Variants in SLC35F3 observed in about 807,000 individuals in gnomAD.
SLC35F3 encodes the protein solute carrier family 35 member F3, also known as putative thiamine transporter SLC35F3.
SLC35F3 carries 25 observed loss-of-function variants against 49.9 expected under a neutral mutation model. That is an observed-to-expected ratio of 0.50 (90% CI 0.37 to 0.70). The LOEUF (loss-of-function observed/expected upper bound fraction) is 0.70. Among genes scored for constraint, SLC35F3 ranks in the 30% least tolerant of loss-of-function variants. The pLI, the probability that SLC35F3 is intolerant of heterozygous loss-of-function variation, is 0.00. For synonymous variants in SLC35F3, 275 were observed against 265.4 expected, an observed-to-expected ratio of 1.04 and a Z score of -0.35; for missense variants, 525 against 639.8, an observed-to-expected ratio of 0.82 and a Z score of 1.94.
chr1:234,102,660 G>A (rs1296754106), intron 2 of SLC35F3, among the ~76,000 whole-genome samples: 1 of 152,190 alleles, frequency 6.6e-6, no homozygotes, highest in Admixed American at 6.5e-5. Flanking sequence ...CATCCAAGCT[G>A]TGACTGCTGC....
chr1:234,031,560 T>C (rs2102848410), intron 2 of SLC35F3, among the ~76,000 whole-genome samples: 1 of 152,240 alleles, frequency 6.6e-6, no homozygotes, highest in Admixed American at 6.5e-5. Flanking sequence ...TGGGGGGGCA[T>C]GGGGGACAAG....
At chr1:234,142,580 A>T (rs1352523946) in intron 2 of SLC35F3, among the ~76,000 whole-genome samples, 1 of 145,564 alleles carries the variant, frequency 6.9e-6, no homozygotes, top group African/African-American at 2.8e-5. Context: ...TTTACTGCCC[A>T]GGGGCATTTG....
chr1:234,115,536 A>G (rs1049385472), intron 2 of SLC35F3, among the ~76,000 whole-genome samples: 7 of 152,182 alleles, frequency 4.6e-5, no homozygotes, highest in African/African-American at 7.2e-5. Flanking sequence ...ATGCTTAGGA[A>G]TAAAGTAAAC....
intron 2 of SLC35F3, among the ~76,000 whole-genome samples, chr1:233,920,783 C>T (rs1204178785): frequency 2.0e-5 from 3 of 152,234 alleles, no homozygotes; most frequent in African/African-American, 4.8e-5. Context: ...TGTTGGGAGG[C>T]TTATGTGGCA....
rs530525228 is a variant in SLC35F3 at position 234,165,984 on chromosome 1, A to C, written c.284-65433A>C. Among the ~76,000 whole-genome samples, 197 of 152,306 alleles carry C rather than the reference A, an allele frequency of 1.3e-3. 5 individuals are homozygous for C. The South Asian group carries it at 0.034, about 26-fold the overall frequency. On this transcript the variant is annotated intron_variant, in intron 2 of 7. Coordinates refer to ENST00000366618, the MANE Select transcript of SLC35F3 (RefSeq NM_173508.4). Reference sequence around the variant, plus strand: ...TCCATTCCTGAGCTACTTTACTTAGAATAATGGCCTCCAGTTCCGTCCAAG... The same window carrying C: ...TCCATTCCTGAGCTACTTTACTTAGCATAATGGCCTCCAGTTCCGTCCAAG...
At chr1:234,078,998 A>G (rs1475371308) in intron 2 of SLC35F3, among the ~76,000 whole-genome samples, 1 of 152,244 alleles carries the variant, frequency 6.6e-6, no homozygotes, top group Non-Finnish European at 1.5e-5. Flanking sequence ...ATAGAAAAAC[A>G]AGGGACACTG....
At chr1:234,196,033 A>C (rs1330123841) in intron 2 of SLC35F3, among the ~76,000 whole-genome samples, 2 of 152,096 alleles carry the variant, frequency 1.3e-5, no homozygotes, top group Non-Finnish European at 2.9e-5. Context: ...TTTTATCAGC[A>C]GTGTGGAAAT....
At chr1:234,124,266 C>T (rs1311016700) in intron 2 of SLC35F3, among the ~76,000 whole-genome samples, 1 of 152,180 alleles carries the variant, frequency 6.6e-6, no homozygotes, top group East Asian at 1.9e-4. Context: ...TTAAGTGGGA[C>T]AGTAAAGGAG....
At chr1:234,173,957 C>T (rs1279537318) in intron 2 of SLC35F3, among the ~76,000 whole-genome samples, 2 of 152,194 alleles carry the variant, frequency 1.3e-5, no homozygotes, top group Admixed American at 1.3e-4. Context: ...CCATGTGTGC[C>T]CCACAGGACC....
In SLC35F3 at chr1:234,139,960, A is replaced by AAAAT. The variant is rs1558239929; in HGVS notation, c.284-91453_284-91450dup. 2.6e-4 allele frequency among the ~76,000 whole-genome samples: 33 copies of AAAAT among 128,606 alleles called. No homozygotes were observed. The South Asian group carries it at 4.2e-3, about 16-fold the overall frequency. 84.4% of individuals were successfully genotyped at this position (128,606 alleles called of 152,430 possible). ...AGACTCCATCTCAAAATAATAAAAT[A>AAAAT]AAATAAAATAAAATAAAATAAAATA... On this transcript the variant is annotated intron_variant, in intron 2 of 7. Transcript: ENST00000366618.
At chr1:234,242,383 G>T (rs1667566840) in intron 3 of SLC35F3, among the ~76,000 whole-genome samples, 1 of 152,222 alleles carries the variant, frequency 6.6e-6, no homozygotes, top group South Asian at 2.1e-4. Context: ...GCGTTTTCCA[G>T]CCTGGGTCAT....
intron 2 of SLC35F3, among the ~76,000 whole-genome samples, chr1:233,987,384 T>G (rs896081656): frequency 6.6e-6 from 1 of 152,192 alleles, no homozygotes; most frequent in Non-Finnish European, 1.5e-5. Flanking sequence ...TGATTGAGAT[T>G]TACTGAGTAT....
At chr1:234,148,540 AG>A (rs1452407552) in intron 2 of SLC35F3, among the ~76,000 whole-genome samples, 2 of 152,234 alleles carry the variant, frequency 1.3e-5, no homozygotes, top group Non-Finnish European at 2.9e-5. Context: ...CTAGAGAGGC[AG>A]GGAGAGCCAC....
Position 234,313,396 on chromosome 1 carries a change from C to G in SLC35F3, c.829-3206C>G, listed in dbSNP as rs552498901. Among the ~76,000 whole-genome samples, 11 of 152,290 alleles carry G rather than the reference C, an allele frequency of 7.2e-5. No homozygotes were observed. The East Asian group carries it at 2.1e-3, about 29-fold the overall frequency. ...GTGCGTGGGACTCAGATCTAGAGCT[C>G]TGGCAGCCGGGCAGGTTATGACAGT... is the stretch of plus-strand genomic sequence containing the variant. On this transcript the variant is annotated intron_variant, in intron 4 of 7. Transcript: ENST00000366618.
chr1:234,054,593 T>G (rs958208734), intron 2 of SLC35F3, among the ~76,000 whole-genome samples: 1 of 152,328 alleles, frequency 6.6e-6, no homozygotes. Context: ...AACATTCTCC[T>G]TTAGTTCAGA....
intron 3 of SLC35F3, among the ~76,000 whole-genome samples, chr1:234,265,228 A>G (rs568494796): frequency 1.2e-4 from 18 of 152,224 alleles, no homozygotes; most frequent in African/African-American, 3.6e-4. Context: ...CAAACCCTTC[A>G]TGTTCTATTC....
chr1:233,998,470 A>G (rs1663498636), intron 2 of SLC35F3, among the ~76,000 whole-genome samples: 1 of 151,798 alleles, frequency 6.6e-6, no homozygotes, highest in South Asian at 2.1e-4. Context: ...GTTGGAATGT[A>G]ATGGAACAGG....
At chr1:234,293,067 A>G (rs912117558) in intron 3 of SLC35F3, among the ~76,000 whole-genome samples, 6 of 152,200 alleles carry the variant, frequency 3.9e-5, no homozygotes, top group Non-Finnish European at 8.8e-5. Context: ...AGGGCACTCG[A>G]GCAAGATCCT....
At chr1:233,964,896 G>A (rs1240949700) in intron 2 of SLC35F3, among the ~76,000 whole-genome samples, 1 of 152,296 alleles carries the variant, frequency 6.6e-6, no homozygotes, top group Non-Finnish European at 1.5e-5. Flanking sequence ...TAACATCAGA[G>A]GAAACTAGTG....
Sources: gnomAD v4.1 joint callset for allele counts (sites outside exome capture counted in the v4.1 genomes callset) on GRCh38, gnomAD v4.1.1 for gene constraint, MANE v1.5 for transcripts, NCBI Gene and HGNC (gene_info 2026-07-23, HGNC 2026-07-21) for gene names.